B4GALT5: variants seen among roughly 807,000 people sequenced by gnomAD.
B4GALT5 encodes the protein beta-1,4-galactosyltransferase 5.
B4GALT5 carries 11 observed loss-of-function variants against 45.0 expected under a neutral mutation model. That is an observed-to-expected ratio of 0.24 (90% CI 0.15 to 0.40). The LOEUF (loss-of-function observed/expected upper bound fraction) is 0.40, where lower values mean the gene tolerates loss of function less well. Ranked by LOEUF, B4GALT5 falls within the 10% of genes least tolerant of loss-of-function variation. The pLI, the probability that B4GALT5 is intolerant of heterozygous loss-of-function variation, is 1.00. For synonymous variants in B4GALT5, 185 were observed against 182.9 expected (o/e 1.01, Z -0.09); for missense variants, 337 against 500.2 (o/e 0.67, Z 3.11).
chr20:49,707,912 C>T (rs533362023), intron 1 of B4GALT5, among the ~76,000 whole-genome samples: 3 of 148,374 alleles, frequency 2.0e-5, no homozygotes, highest in African/African-American at 7.5e-5. Context: ...CCTTGCCCAG[C>T]CTTTTTTTTT....
chr20:49,678,247 G>T (rs1293700317), intron 1 of B4GALT5, among the ~76,000 whole-genome samples: 1 of 152,216 alleles, frequency 6.6e-6, no homozygotes, highest in Non-Finnish European at 1.5e-5. Context: ...TAAACTAAAA[G>T]ATGAAGGTCA....
At chr20:49,644,705 T>C (rs962093832) in intron 3 of B4GALT5, among the ~76,000 whole-genome samples, 1 of 152,208 alleles carries the variant, frequency 6.6e-6, no homozygotes, top group Admixed American at 6.5e-5. Context: ...ATGCAGGTTT[T>C]AAAGGGAAAA....
chr20:49,636,409 T>A lies in B4GALT5; in HGVS notation c.1070A>T (p.Asn357Ile). ...SKERQGLDGL[N>I]NLNYFANITY... is the part of the protein sequence containing the mutation. ...GATGTTTGCAAAGTAGTTCAGGTTG[T>A]TGAGGCCATCCAGCCCTTGCCGTTC... Residue 357 changes from asparagine (N) to isoleucine (I), a missense_variant, in exon 9 of 9, where the codon AAC (asparagine) becomes ATC (isoleucine). By Grantham distance (149) the Asn-to-Ile change is moderately radical. This residue lies in a region of B4GALT5 where 163 missense variants were observed against 292.8 expected (regional missense o/e 0.56). Transcript: ENST00000371711. The A allele has an allele frequency of 6.2e-7, 1 of 1,614,186 alleles. No individual in the cohort carries two copies. Among genetic ancestry groups the A allele is most frequent in the Non-Finnish European group, 8.5e-7 (1 of 1,180,026 alleles).
intron 1 of B4GALT5, among the ~76,000 whole-genome samples, chr20:49,671,742 C>A (rs2085716809): frequency 6.6e-6 from 1 of 152,160 alleles, no homozygotes. Flanking sequence ...AATCAACTGA[C>A]CCAAAATTTC....
At chr20:49,651,570 C>G (rs1370256175) in intron 2 of B4GALT5, among the ~76,000 whole-genome samples, 1 of 151,366 alleles carries the variant, frequency 6.6e-6, no homozygotes, top group Non-Finnish European at 1.5e-5. Context: ...GCCTGGGCAA[C>G]AGAGCGAGAC....
chr20:49,644,142 G>T (rs1370315103), intron 3 of B4GALT5, among the ~76,000 whole-genome samples: 1 of 151,864 alleles, frequency 6.6e-6, no homozygotes, highest in African/African-American at 2.4e-5. Flanking sequence ...GGCCAGGCTG[G>T]TCTCGAACTC....
intron 1 of B4GALT5, among the ~76,000 whole-genome samples, chr20:49,686,244 T>G (rs566356887): frequency 1.3e-5 from 2 of 152,208 alleles, no homozygotes; most frequent in African/African-American, 4.8e-5. Flanking sequence ...TCTGATCTCT[T>G]TATGTCTTTC....
chr20:49,675,246 C>T (rs576828816), intron 1 of B4GALT5, among the ~76,000 whole-genome samples: 1 of 152,040 alleles, frequency 6.6e-6, no homozygotes, highest in Non-Finnish European at 1.5e-5. Flanking sequence ...AAGTCAATTC[C>T]CAAGCCCACA....
At position 49,639,030 on chromosome 20, in the gene B4GALT5, A is replaced by G. The variant is rs575165712; in HGVS notation, c.917+648T>C. On this transcript the variant is annotated intron_variant, in intron 7 of 8. Coordinates refer to ENST00000371711, the MANE Select transcript of B4GALT5 (RefSeq NM_004776.4). ...ACACATTACATCATTTAATCCTCAC[A>G]ATCCTGAGATTTGTGATTTTAAAAA... 3.3e-5 allele frequency among the ~76,000 whole-genome samples: 5 copies of G among 152,306 alleles called. No homozygotes were observed. In the East Asian group the frequency reaches 5.8e-4, roughly 18 times the overall value.
intron 1 of B4GALT5, among the ~76,000 whole-genome samples, chr20:49,681,243 TAAG>T (rs2085762900): frequency 2.5e-5 from 3 of 121,672 alleles, no homozygotes; most frequent in Non-Finnish European, 5.1e-5. Flanking sequence ...AAAAAAATAG[TAAG>T]AAGAACATAG....
chr20:49,677,072 G>T (rs1334336530), intron 1 of B4GALT5, among the ~76,000 whole-genome samples: 1 of 151,990 alleles, frequency 6.6e-6, no homozygotes, highest in South Asian at 2.1e-4. Flanking sequence ...TTGTTCTAGG[G>T]GGTATTTCTG....
intron 2 of B4GALT5, among the ~76,000 whole-genome samples, chr20:49,655,133 G>C (rs1360238117): frequency 6.7e-6 from 1 of 149,198 alleles, no homozygotes; most frequent in Non-Finnish European, 1.5e-5. Flanking sequence ...GCCATCTCAA[G>C]AGAATAAAAA....
chr20:49,667,107 T>C (rs2085693971), intron 1 of B4GALT5, among the ~76,000 whole-genome samples: 1 of 152,156 alleles, frequency 6.6e-6, no homozygotes, highest in Admixed American at 6.5e-5. Flanking sequence ...GCAGGCTTTG[T>C]CTCCAGAGTC....
rs186776059 is a variant in B4GALT5 at position 49,683,701 on chromosome 20, C to T, written c.116-26999G>A. 3.8e-3 allele frequency among the ~76,000 whole-genome samples: 584 copies of T among 151,966 alleles called. 1 individual carries two copies. The highest frequency in any genetic ancestry group is 0.014 in the Middle Eastern group (4 of 292). The stretch of plus-strand genomic sequence containing the variant: ...CTGGGATTACAGGCATGAGCCACTG[C>T]GCCCGGCCTAGACAGGTTTAAATTC... On this transcript the variant is annotated intron_variant, in intron 1 of 8. Transcript: ENST00000371711.
At chr20:49,696,849 T>C (rs925848034) in intron 1 of B4GALT5, among the ~76,000 whole-genome samples, 5 of 152,222 alleles carry the variant, frequency 3.3e-5, no homozygotes, top group Admixed American at 1.3e-4. Flanking sequence ...TTCTGGAATG[T>C]TTCTGATGAC....
intron 1 of B4GALT5, among the ~76,000 whole-genome samples, chr20:49,681,873 A>G (rs2085765436): frequency 6.6e-6 from 1 of 152,168 alleles, no homozygotes; most frequent in Non-Finnish European, 1.5e-5. Flanking sequence ...AGGTGGGTGA[A>G]GGGCTTGAGC....
intron 1 of B4GALT5, among the ~76,000 whole-genome samples, chr20:49,684,367 C>G (rs2085776766): frequency 6.6e-6 from 1 of 152,122 alleles, no homozygotes; most frequent in Non-Finnish European, 1.5e-5. Flanking sequence ...TCGAGACCAT[C>G]CTGGCTAACA....
chr20:49,648,775 C>T (rs2085609431), intron 2 of B4GALT5, among the ~76,000 whole-genome samples: 1 of 152,184 alleles, frequency 6.6e-6, no homozygotes, highest in South Asian at 2.1e-4. Flanking sequence ...GGAGGGTCCT[C>T]CAACCTCATT....
chr20:49,692,421 C>A (rs1020383013), intron 1 of B4GALT5, among the ~76,000 whole-genome samples: 1 of 152,042 alleles, frequency 6.6e-6, no homozygotes. Flanking sequence ...GAGCTATGAT[C>A]GCATCACTGC....
Sources: gnomAD v4.1 joint callset for allele counts (sites outside exome capture counted in the v4.1 genomes callset) on GRCh38, gnomAD v4.1.1 for gene constraint, gnomAD v4.1.1 regional missense constraint, MANE v1.5 for transcripts, NCBI Gene and HGNC (gene_info 2026-07-23, HGNC 2026-07-21) for gene names.